The following DCC variants were observed in gnomAD, a reference collection of about 807,000 sequenced individuals.
DCC encodes the protein DCC netrin 1 receptor.
Under a neutral mutation model 172.5 loss-of-function variants are expected in DCC, and 58 were observed. The observed-to-expected ratio is 0.34, with a 90% CI of 0.27 to 0.42. The LOEUF is 0.42. Ranked by LOEUF, DCC falls within the 10% of genes least tolerant of loss-of-function variation. DCC has a pLI of 1.00. For synonymous variants in DCC, 709 were observed against 644.5 expected, an observed-to-expected ratio of 1.10 and a Z score of -1.52; for missense variants, 1,740 against 1,791.0, an observed-to-expected ratio of 0.97 and a Z score of 0.51.
intron 15 of DCC, among the ~76,000 whole-genome samples, chr18:53,374,992 A>G (rs1290862960): frequency 6.6e-6 from 1 of 152,182 alleles, no homozygotes; most frequent in Admixed American, 6.6e-5. Flanking sequence ...TTTATCCTGC[A>G]GTGACCCATG....
rs768577706 is a variant in DCC, at chr18:53,486,932, G to C, written c.3872G>C (p.Arg1291Pro). The C allele has an allele frequency of 1.9e-6, 3 of 1,614,046 alleles. No individual in the cohort carries two copies. The South Asian group carries it at 3.3e-5, about 18-fold the overall frequency. Reference protein sequence around the residue: ...PVPFPTLSVDRGFGAGRSQSV... With the variant: ...PVPFPTLSVDPGFGAGRSQSV... ...CCATTCCCAACACTCTCAGTGGACCGAGGTTTCGGAGCAGGAAGAAGTCAG... is the reference window on the plus strand; with the variant it reads ...CCATTCCCAACACTCTCAGTGGACCCAGGTTTCGGAGCAGGAAGAAGTCAG... The change falls in exon 26 of 29, where the codon CGA becomes CCA. Residue 1291 changes from arginine to proline, a missense_variant. Physicochemically the swap from Arg to Pro is moderately radical, Grantham distance 103 (BLOSUM62 -2). This residue lies in a region of DCC where 1,732 missense variants were observed against 1,767.4 expected (regional missense o/e 0.98). Coordinates refer to ENST00000442544, the MANE Select transcript of DCC (RefSeq NM_005215.4).
chr18:52,406,383 G>A (rs1986651957), intron 1 of DCC, among the ~76,000 whole-genome samples: 1 of 151,608 alleles, frequency 6.6e-6, no homozygotes, highest in Admixed American at 6.6e-5. Flanking sequence ...GAGTGAACAG[G>A]CAACCTACAA....
rs866002143 is a variant in DCC, at chr18:52,340,807, G to A, written c.20G>A (p.Cys7Tyr). 1 of 1,614,112 alleles carries A rather than the reference G, an allele frequency of 6.2e-7. No individual in the cohort carries two copies. Among genetic ancestry groups the A allele is most frequent in the East Asian group, 2.2e-5 (1 of 44,846 alleles). ...TGAAATATGGAGAATAGTCTTAGATGTGTTTGGGTACCCAAGCTGGCTTTT... is the reference window on the plus strand; with the variant it reads ...TGAAATATGGAGAATAGTCTTAGATATGTTTGGGTACCCAAGCTGGCTTTT... The part of the protein sequence containing the change: MENSLR[C>Y]VWVPKLAFVL... The change falls in exon 1 of 29, where the codon TGT (cysteine) becomes TAT (tyrosine). Residue 7 changes from cysteine to tyrosine, a missense_variant. This residue lies in a region of DCC where 1,732 missense variants were observed against 1,767.4 expected (regional missense o/e 0.98). Coordinates refer to ENST00000442544, the MANE Select transcript of DCC (RefSeq NM_005215.4).
intron 2 of DCC, among the ~76,000 whole-genome samples, chr18:52,808,572 A>G (rs543586801): frequency 1.3e-5 from 2 of 152,370 alleles, no homozygotes; most frequent in African/African-American, 4.8e-5. Flanking sequence ...AGGAAAATAC[A>G]TAAATGGAAA....
At chr18:53,446,124 A>AAAAAAAAAAAAAAAAAAAAAAAAAAAAC (rs369426007) in intron 22 of DCC, among the ~76,000 whole-genome samples, 1 of 117,172 alleles carries the variant, frequency 8.5e-6, no homozygotes, top group Non-Finnish European at 1.8e-5. Flanking sequence ...ACAAAAAAAA[A>AAAAAAAAAAAAAAAAAAAAAAAAAAAAC]CACTTAAAAA....
chr18:52,699,834 C>T (rs2036077720), intron 1 of DCC, among the ~76,000 whole-genome samples: 3 of 151,960 alleles, frequency 2.0e-5, no homozygotes, highest in African/African-American at 4.8e-5. Flanking sequence ...TTTTGTTTTC[C>T]TTGGCAACAA....
intron 15 of DCC, among the ~76,000 whole-genome samples, chr18:53,377,305 C>G (rs1020315492): frequency 1.3e-5 from 2 of 150,044 alleles, no homozygotes; most frequent in South Asian, 4.3e-4. Flanking sequence ...GGACTTCTTG[C>G]TACATTATCC....
chr18:53,199,100 G>C (rs1302969864), intron 9 of DCC, among the ~76,000 whole-genome samples: 3 of 148,174 alleles, frequency 2.0e-5, no homozygotes, highest in Non-Finnish European at 4.4e-5. Context: ...TTTTGAGATG[G>C]AGTCTAGCTT....
intron 12 of DCC, among the ~76,000 whole-genome samples, chr18:53,270,029 T>C (rs2056730512): frequency 6.6e-6 from 1 of 152,132 alleles, no homozygotes; most frequent in Admixed American, 6.6e-5. Flanking sequence ...TAATGAAGAA[T>C]CCAGGCTGCT....
At chr18:53,474,835 A>T (rs1250725651) in intron 25 of DCC, among the ~76,000 whole-genome samples, 1 of 152,208 alleles carries the variant, frequency 6.6e-6, no homozygotes, top group Non-Finnish European at 1.5e-5. Context: ...CAGAGGTTGG[A>T]ATAGTTTGGT....
rs113636916 is a variant in DCC, at chr18:52,501,762, A to G, written c.91+160884A>G. On this transcript the variant is annotated intron_variant, in intron 1 of 28. Transcript: ENST00000442544. ...AAATTTCTGAGTGGATATTTTTTCT[A>G]ATTAGTTGTTGCTTAGGGCACATAT... 8.6e-3 allele frequency among the ~76,000 whole-genome samples: 1,315 copies of G among 152,118 alleles called. 24 individuals carry two copies. The highest frequency in any genetic ancestry group is 0.031 in the African/African-American group (1,270 of 41,530).
At chr18:52,703,811 A>C (rs2036165017) in intron 1 of DCC, among the ~76,000 whole-genome samples, 1 of 147,268 alleles carries the variant, frequency 6.8e-6, no homozygotes, top group Non-Finnish European at 1.5e-5. Flanking sequence ...AAAAAAAAAA[A>C]CCTAACAGAT....
At chr18:52,754,430 G>T (rs1028695595) in intron 2 of DCC, among the ~76,000 whole-genome samples, 1 of 152,090 alleles carries the variant, frequency 6.6e-6, no homozygotes, top group African/African-American at 2.4e-5. Context: ...TAGATCATGG[G>T]GTGGAGCCCT....
chr18:52,861,345 G>A (rs986352123), intron 2 of DCC, among the ~76,000 whole-genome samples: 9 of 152,254 alleles, frequency 5.9e-5, no homozygotes, highest in East Asian at 3.9e-4. Context: ...CAGTCTGGTC[G>A]TATCTGAAAA....
chr18:52,928,888 A>G (rs2040259225), intron 5 of DCC, among the ~76,000 whole-genome samples: 1 of 152,138 alleles, frequency 6.6e-6, no homozygotes, highest in South Asian at 2.1e-4. Flanking sequence ...GATGTCACTC[A>G]GGTGTCAGCT....
intron 2 of DCC, among the ~76,000 whole-genome samples, chr18:52,840,470 T>C (rs10502951): frequency 0.44 from 66,640 of 151,974 alleles, 14,793 homozygotes; most frequent in South Asian, 0.55. Context: ...ACACCAATAT[T>C]TGTAGAACCA....
intron 5 of DCC, among the ~76,000 whole-genome samples, chr18:52,996,621 C>T (rs2041484148): frequency 6.6e-6 from 1 of 151,774 alleles, no homozygotes; most frequent in African/African-American, 2.4e-5. Context: ...CTATCAGAAC[C>T]ATGTATAAAT....
At chr18:53,318,207 C>T (rs1173218670) in intron 13 of DCC, among the ~76,000 whole-genome samples, 1 of 152,160 alleles carries the variant, frequency 6.6e-6, no homozygotes, top group Non-Finnish European at 1.5e-5. Context: ...TTTCAAAGAA[C>T]TTATCAATAT....
At chr18:52,541,516 T>C (rs899506418) in intron 1 of DCC, among the ~76,000 whole-genome samples, 4 of 152,144 alleles carry the variant, frequency 2.6e-5, no homozygotes, top group Non-Finnish European at 4.4e-5. Context: ...CTAGTATCAT[T>C]ACCTTTGGAA....
Sources: allele counts gnomAD v4.1 joint callset (sites outside exome capture counted in the v4.1 genomes callset), GRCh38; gene constraint gnomAD v4.1.1; regional missense constraint gnomAD v4.1.1; transcripts MANE v1.5; gene names NCBI Gene and HGNC (gene_info 2026-07-23, HGNC 2026-07-21).